GASK1B: variants seen among roughly 807,000 people sequenced by gnomAD.
The protein encoded by GASK1B is golgi associated kinase 1B.
A neutral mutation model predicts 42.8 loss-of-function variants in GASK1B; 34 were observed. The ratio of observed to expected loss-of-function variants is 0.79; its 90% CI spans 0.60 to 1.06. The LOEUF is 1.06. Ranked by LOEUF, GASK1B falls within the 50% of genes least tolerant of loss-of-function variation. The pLI is 0.00. For synonymous variants in GASK1B, 262 were observed against 259.1 expected, an observed-to-expected ratio of 1.01 and a Z score of -0.11; for missense variants, 686 against 661.0, an observed-to-expected ratio of 1.04 and a Z score of -0.42.
chr4:158,135,664 T>C (rs1024965597), intron 3 of GASK1B, among the ~76,000 whole-genome samples: 2 of 152,012 alleles, frequency 1.3e-5, no homozygotes, highest in Admixed American at 1.3e-4. Flanking sequence ...ATCCTGATTG[T>C]ATCTCTCGGG....
intron 2 of GASK1B, 58 bp from the exon 3 acceptor site, chr4:158,155,883 T>C: frequency 6.8e-7 from 1 of 1,467,526 alleles, no homozygotes; most frequent in Non-Finnish European, 9.5e-7. Context: ...GGGTGTGTCT[T>C]TGAGCAGGTC....
chr4:158,157,257 A>T (rs1247752134), intron 2 of GASK1B, among the ~76,000 whole-genome samples: 1 of 152,112 alleles, frequency 6.6e-6, no homozygotes, highest in Non-Finnish European at 1.5e-5. Flanking sequence ...ACAATCATTG[A>T]TACAAAACTA....
intron 2 of GASK1B, among the ~76,000 whole-genome samples, chr4:158,161,794 T>C (rs1284769875): frequency 1.3e-5 from 2 of 152,230 alleles, no homozygotes; most frequent in Admixed American, 6.5e-5. Flanking sequence ...ATTTAGCCTT[T>C]GTTAATCCAG....
At chr4:158,140,553 T>C (rs1486070452) in intron 3 of GASK1B, among the ~76,000 whole-genome samples, 1 of 152,172 alleles carries the variant, frequency 6.6e-6, no homozygotes, top group South Asian at 2.1e-4. Flanking sequence ...ATCACGTTCA[T>C]TTTTCCAAAA....
chr4:158,130,355 T>C (rs1730629106), intron 4 of GASK1B, among the ~76,000 whole-genome samples: 1 of 152,190 alleles, frequency 6.6e-6, no homozygotes, highest in Non-Finnish European at 1.5e-5. Flanking sequence ...TTGAGTTCAT[T>C]ATGAATTTAG....
rs1386795175 is a variant in GASK1B at position 158,130,704 on chromosome 4, A to G, written c.1352+82T>C. On this transcript the variant is annotated intron_variant, in intron 4 of 4. Coordinates refer to ENST00000585682, the MANE Select transcript of GASK1B (RefSeq NM_001128424.2). ...TATTTTCAAGGGTTAAAATGATCAG[A>G]TGTAAGATGTGAGTTTTCTCAGAAC... The G allele has an allele frequency of 1.1e-5, 11 of 1,016,870 alleles. No individual in the cohort carries two copies. In the Admixed American group the frequency reaches 2.1e-4, roughly 20 times the overall value. 63.0% of individuals were successfully genotyped at this position (1,016,870 alleles called of 1,614,324 possible). A position where few individuals can be genotyped will look rare whatever the true frequency, so the allele number is the denominator to read the frequency against.
chr4:158,144,324 A>T (rs1041491225), intron 3 of GASK1B, among the ~76,000 whole-genome samples: 3 of 152,218 alleles, frequency 2.0e-5, no homozygotes, highest in African/African-American at 7.2e-5. Context: ...CTTAAGTAAC[A>T]TCATCAATAC....
intron 3 of GASK1B, among the ~76,000 whole-genome samples, chr4:158,133,926 C>A (rs561933770): frequency 2.3e-4 from 35 of 152,164 alleles, no homozygotes; most frequent in Admixed American, 1.7e-3. Context: ...TGCGCGTGCA[C>A]GAACACTGTG....
Position 158,127,215 on chromosome 4 carries a change from T to C in GASK1B, c.*192A>G, listed in dbSNP as rs1363782510. 2 of 434,244 alleles carry C rather than the reference T, an allele frequency of 4.6e-6. No individual in the cohort carries two copies. The highest frequency in any genetic ancestry group is 8.1e-6 in the Non-Finnish European group (2 of 245,526). The allele number at this position is 434,244 out of a possible 1,614,324, so 26.9% of individuals were successfully genotyped here. A position where few individuals can be genotyped will look rare whatever the true frequency, so the allele number is the denominator to read the frequency against. On this transcript the variant is annotated 3_prime_UTR_variant, in exon 5 of 5. Transcript: ENST00000585682. ...ATAAACAAATATTTCTCAAGTAGTT[T>C]GTTTTTCAAAACCTTTTTAAGTATG...
chr4:158,148,965 A>G (rs188981305), intron 3 of GASK1B, among the ~76,000 whole-genome samples: 84 of 152,330 alleles, frequency 5.5e-4, no homozygotes, highest in Non-Finnish European at 9.7e-4. Flanking sequence ...CTCTTCCTCT[A>G]TGTTGAGGAA....
At chr4:158,153,208 A>G (rs1400472232) in intron 3 of GASK1B, among the ~76,000 whole-genome samples, 1 of 152,148 alleles carries the variant, frequency 6.6e-6, no homozygotes, top group East Asian at 1.9e-4. Context: ...ACCAACAGCA[A>G]CCAAGCTGAG....
At chr4:158,162,072 AT>A (rs762385407) in intron 2 of GASK1B, among the ~76,000 whole-genome samples, 9 of 152,044 alleles carry the variant, frequency 5.9e-5, no homozygotes, top group Non-Finnish European at 1.0e-4. Flanking sequence ...TTCATAGTCT[AT>A]TCTCTCTATA....
rs1352554705 is a variant in GASK1B at position 158,126,047 on chromosome 4, T to C, written c.*1360A>G. 2.0e-5 allele frequency: 3 copies of C among 152,146 alleles called. No homozygotes were observed. The highest frequency in any genetic ancestry group is 4.4e-5 in the Non-Finnish European group (3 of 68,002). The allele number at this position is 152,146 out of a possible 1,614,324, so 9.4% of individuals were successfully genotyped here. A position where few individuals can be genotyped will look rare whatever the true frequency, so the allele number is the denominator to read the frequency against. On this transcript the variant is annotated 3_prime_UTR_variant, in exon 5 of 5. Transcript: ENST00000585682. ...TGAAAAGACAGGAGAGAATGTATTA[T>C]AAACATTCTCAAATTGTATTTTTAA...
chr4:158,158,372 A>C (rs991961738), intron 2 of GASK1B, among the ~76,000 whole-genome samples: 11 of 152,102 alleles, frequency 7.2e-5, no homozygotes, highest in African/African-American at 2.7e-4. Context: ...CTGTGCACTA[A>C]GCACTGTTCT....
At chr4:158,150,396 C>T (rs1252459211) in intron 3 of GASK1B, among the ~76,000 whole-genome samples, 1 of 152,110 alleles carries the variant, frequency 6.6e-6, no homozygotes, top group African/African-American at 2.4e-5. Context: ...AGCTTAGAGT[C>T]TCTCAGCAGT....
chr4:158,170,836 C>G lies in GASK1B; in HGVS notation c.540G>C (p.Trp180Cys). ...GCACTCCCGGACCCCGCACCAACCTCCAGGGTCGCTCTCCAATCTTAACCA... is the reference window on the plus strand; with the variant it reads ...GCACTCCCGGACCCCGCACCAACCTGCAGGGTCGCTCTCCAATCTTAACCA... ...ANLVKIGERPWRLVRGPGVRA... is the reference protein window; with the variant it reads ...ANLVKIGERPCRLVRGPGVRA... The change falls in exon 2 of 5, where the codon TGG becomes TGC. Residue 180 changes from tryptophan to cysteine, a missense_variant. By Grantham distance (215) the Trp-to-Cys change is radical. Transcript: ENST00000585682. 1.2e-6 allele frequency: 2 copies of G among 1,614,232 alleles called. No homozygotes were observed. Among genetic ancestry groups the G allele is most frequent in the Non-Finnish European group, 1.7e-6 (2 of 1,180,038 alleles).
chr4:158,160,093 G>T (rs1170881255), intron 2 of GASK1B, among the ~76,000 whole-genome samples: 1 of 152,162 alleles, frequency 6.6e-6, no homozygotes, highest in Non-Finnish European at 1.5e-5. Context: ...GCAAGTGACA[G>T]TCCAGCTCCA....
At chr4:158,131,850 G>A (rs1332166638) in intron 3 of GASK1B, among the ~76,000 whole-genome samples, 1 of 152,066 alleles carries the variant, frequency 6.6e-6, no homozygotes, top group Non-Finnish European at 1.5e-5. Context: ...CAATGTAAAC[G>A]CCTGAGTAAC....
intron 2 of GASK1B, among the ~76,000 whole-genome samples, chr4:158,159,321 A>G (rs889834739): frequency 6.6e-6 from 1 of 152,084 alleles, no homozygotes; most frequent in Non-Finnish European, 1.5e-5. Flanking sequence ...TGCTACATAT[A>G]CGTGTGTGTG....
Sources: allele counts gnomAD v4.1 joint callset (sites outside exome capture counted in the v4.1 genomes callset), GRCh38; gene constraint gnomAD v4.1.1; transcripts MANE v1.5; gene names NCBI Gene and HGNC (gene_info 2026-07-23, HGNC 2026-07-21).